The following ACACA variants were observed in gnomAD, a reference collection of about 807,000 sequenced individuals.
ACACA encodes acetyl-CoA carboxylase alpha, also known as acetyl-CoA carboxylase 1.
In ACACA, 103 loss-of-function variants were observed where a neutral mutation model predicts 296.1. The observed-to-expected ratio is 0.35, with a 90% CI of 0.30 to 0.41. ACACA has a LOEUF of 0.41. Ranked by LOEUF, ACACA falls within the 10% of genes least tolerant of loss-of-function variation. The pLI, the probability that ACACA is intolerant of heterozygous loss-of-function variation, is 1.00. For missense variants in ACACA, 1,554 were observed against 2,989.7 expected (o/e 0.52, Z 11.20); for synonymous variants, 953 against 1,038.6 (o/e 0.92, Z 1.58).
intron 54 of ACACA, among the ~76,000 whole-genome samples, chr17:37,091,132 C>G (rs756648112): frequency 3.9e-5 from 6 of 152,190 alleles, no homozygotes; most frequent in Admixed American, 3.9e-4. Context: ...TATTAGCTAA[C>G]GAGATGCCTG....
chr17:37,156,036 A>G (rs79762688), intron 42 of ACACA, among the ~76,000 whole-genome samples: 18,154 of 108,140 alleles, frequency 0.17, 1,750 homozygotes, highest in East Asian at 0.49. Context: ...CCTTCATTTC[A>G]TTTTCTTTCT....
At chr17:37,306,650 C>T (rs1182149812) in intron 3 of ACACA, among the ~76,000 whole-genome samples, 2 of 151,822 alleles carry the variant, frequency 1.3e-5, no homozygotes, top group Non-Finnish European at 2.9e-5. Flanking sequence ...AATGTATGTA[C>T]TTTAATGTCT....
rs147036876 is a variant in ACACA, at chr17:37,122,256, T to C, written c.6138+275A>G. Among the ~76,000 whole-genome samples, 1,144 of 152,328 alleles carry C rather than the reference T, an allele frequency of 7.5e-3. 7 individuals carry two copies. The highest frequency in any genetic ancestry group is 0.013 in the Non-Finnish European group (900 of 68,004). The stretch of plus-strand genomic sequence containing the variant: ...AAAGAGCCTTCAGTATTATCTCAGC[T>C]ACCTTTCTGTAAGACCATCTCCCCA... On this transcript the variant is annotated intron_variant, in intron 49 of 55. Coordinates refer to ENST00000616317, the MANE Select transcript of ACACA (RefSeq NM_198834.3).
At chr17:37,383,987 C>T (rs558353497) in intron 1 of ACACA, among the ~76,000 whole-genome samples, 43 of 152,208 alleles carry the variant, frequency 2.8e-4, no homozygotes, top group Non-Finnish European at 4.9e-4. Flanking sequence ...AAATTAGAGC[C>T]GGGCGCGGTG....
intron 1 of ACACA, among the ~76,000 whole-genome samples, chr17:37,354,072 C>T (rs2049025599): frequency 6.6e-6 from 1 of 152,152 alleles, no homozygotes; most frequent in Non-Finnish European, 1.5e-5. Context: ...TGCACCACTG[C>T]ACTCCAGCCG....
intron 3 of ACACA, among the ~76,000 whole-genome samples, chr17:37,320,043 T>A (rs544006090): frequency 7.9e-4 from 121 of 152,226 alleles, no homozygotes; most frequent in African/African-American, 2.5e-3. Context: ...GAGGATTGCT[T>A]GAGCCCAGGA....
intron 1 of ACACA, among the ~76,000 whole-genome samples, chr17:37,389,580 G>A (rs764094514): frequency 1.6e-4 from 25 of 151,934 alleles, no homozygotes; most frequent in Non-Finnish European, 2.2e-4. Context: ...CCAGCTACTC[G>A]GAAGGCTGAG....
intron 1 of ACACA, among the ~76,000 whole-genome samples, chr17:37,381,975 GTTTCCAA>G (rs1342263870): frequency 2.0e-5 from 3 of 152,004 alleles, no homozygotes; most frequent in African/African-American, 7.2e-5. Flanking sequence ...TATTTTGGTC[GTTTCCAA>G]TCTTTTGCAA....
At chr17:37,304,121 T>C (rs1251672207) in intron 3 of ACACA, among the ~76,000 whole-genome samples, 1 of 152,234 alleles carries the variant, frequency 6.6e-6, no homozygotes, top group Non-Finnish European at 1.5e-5. Flanking sequence ...ATGTGTTTAT[T>C]TGCCATAGGT....
At position 37,187,034 on chromosome 17, in the gene ACACA, C is replaced by T. The variant is rs139772181; in HGVS notation, c.4776+1243G>A. Among the ~76,000 whole-genome samples the T allele has an allele frequency of 3.9e-5, 6 of 152,254 alleles. No homozygotes were observed. The East Asian group carries it at 5.8e-4, about 15-fold the overall frequency. On this transcript the variant is annotated intron_variant, in intron 39 of 55. Transcript: ENST00000616317. ...TTGTAGAAGTTAATTAAAAACATCC[C>T]TACCCATTGAAAGCTTTGACTGAAA...
At chr17:37,193,754 C>T (rs1053561481) in intron 35 of ACACA, among the ~76,000 whole-genome samples, 4 of 152,094 alleles carry the variant, frequency 2.6e-5, no homozygotes, top group Admixed American at 6.5e-5. Context: ...AACCAATATA[C>T]CCTTGTGCCA....
chr17:37,201,752 A>G (rs1267733172), intron 33 of ACACA, among the ~76,000 whole-genome samples: 1 of 152,156 alleles, frequency 6.6e-6, no homozygotes, highest in Non-Finnish European at 1.5e-5. Context: ...TTCTTGCTAT[A>G]ACTCCAACCA....
intron 39 of ACACA, among the ~76,000 whole-genome samples, chr17:37,187,956 G>A (rs2077601012): frequency 6.6e-6 from 1 of 152,114 alleles, no homozygotes; most frequent in Non-Finnish European, 1.5e-5. Flanking sequence ...AGATTAGATT[G>A]CTGAAATAAC....
intron 1 of ACACA, chr17:37,360,430 A>G (rs2147600860): frequency 6.6e-6 from 1 of 152,294 alleles, no homozygotes; most frequent in South Asian, 2.1e-4. Flanking sequence ...AACAAGGAAC[A>G]ATATTTATCT....
At chr17:37,195,509 T>C (rs941020281) in intron 35 of ACACA, among the ~76,000 whole-genome samples, 8 of 151,968 alleles carry the variant, frequency 5.3e-5, no homozygotes, top group African/African-American at 1.9e-4. Flanking sequence ...TGTCATGAGA[T>C]CATATAAACA....
At chr17:37,336,439 C>T (rs2048122677) in intron 2 of ACACA, among the ~76,000 whole-genome samples, 2 of 152,174 alleles carry the variant, frequency 1.3e-5, no homozygotes, top group African/African-American at 2.4e-5. Context: ...CACCTTTAAA[C>T]ACCGGGCTTG....
chr17:37,400,609 T>G (rs531743414), intron 1 of ACACA, among the ~76,000 whole-genome samples: 3 of 152,320 alleles, frequency 2.0e-5, no homozygotes, highest in South Asian at 2.1e-4. Flanking sequence ...TAAGTGAGAT[T>G]AAGCAGTATT....
At chr17:37,274,448 T>C in intron 8 of ACACA, 149 bp from the exon 9 acceptor site, 10 of 1,022,290 alleles carry the variant, frequency 9.8e-6, no homozygotes, top group Non-Finnish European at 1.5e-5. Context: ...TGATCAGTCC[T>C]TGGGGTTAAC....
chr17:37,167,659 T>A (rs1233448617), intron 41 of ACACA, among the ~76,000 whole-genome samples: 1 of 148,494 alleles, frequency 6.7e-6, no homozygotes, highest in East Asian at 2.0e-4. Flanking sequence ...TAAGGAAGTA[T>A]GTTCCTTAAT....
Sources: gnomAD v4.1 joint callset for allele counts (sites outside exome capture counted in the v4.1 genomes callset) on GRCh38, gnomAD v4.1.1 for gene constraint, MANE v1.5 for transcripts, NCBI Gene and HGNC (gene_info 2026-07-23, HGNC 2026-07-21) for gene names.